Variants in RANBP2 observed in about 807,000 individuals in gnomAD.
The protein encoded by RANBP2 is E3 SUMO-protein ligase RanBP2.
RANBP2 carries 57 observed loss-of-function variants against 303.6 expected under a neutral mutation model. The observed-to-expected ratio is 0.19, with a 90% CI of 0.15 to 0.23. The LOEUF (loss-of-function observed/expected upper bound fraction) is 0.23. Ranked by LOEUF, RANBP2 falls within the 10% of genes least tolerant of loss-of-function variation. RANBP2 has a pLI of 1.00. For synonymous variants in RANBP2, 1,167 were observed against 1,301.5 expected, an observed-to-expected ratio of 0.90 and a Z score of 2.23; for missense variants, 3,138 against 3,780.8, an observed-to-expected ratio of 0.83 and a Z score of 4.46.
the RANBP2 span, among the ~76,000 whole-genome samples, chr2:109,499,765 G>T: frequency 6.6e-6 from 1 of 152,220 alleles, no homozygotes; most frequent in African/African-American, 2.4e-5. Flanking sequence ...AGGGGGGTGT[G>T]TGTGTATGTG....
At chr2:109,691,141 G>A in the RANBP2 span, among the ~76,000 whole-genome samples, 1 of 152,228 alleles carries the variant, frequency 6.6e-6, no homozygotes. Flanking sequence ...ATGATGGGAA[G>A]TGTTTACAAT....
At chr2:109,319,614 C>T in the RANBP2 span, among the ~76,000 whole-genome samples, 1 of 152,258 alleles carries the variant, frequency 6.6e-6, no homozygotes, top group East Asian at 1.9e-4. Flanking sequence ...ACTCCCCCAT[C>T]TTCTCTTATC....
the RANBP2 span, among the ~76,000 whole-genome samples, chr2:109,169,753 TACAC>T: frequency 4.0e-5 from 6 of 149,740 alleles, no homozygotes; most frequent in African/African-American, 7.3e-5. Flanking sequence ...AAAACAACCA[TACAC>T]ACACACACAC....
At chr2:109,093,855 TG>T in the RANBP2 span, among the ~76,000 whole-genome samples, 3 of 152,208 alleles carry the variant, frequency 2.0e-5, no homozygotes, top group Non-Finnish European at 4.4e-5. Context: ...CTGGGACTCC[TG>T]GGGAAAATCA....
At chr2:108,925,905 C>T in the RANBP2 span, among the ~76,000 whole-genome samples, 1 of 152,142 alleles carries the variant, frequency 6.6e-6, no homozygotes, top group African/African-American at 2.4e-5. Flanking sequence ...CGTGAACCAC[C>T]GAGCCTGACC....
the RANBP2 span, chr2:109,564,332 C>G: frequency 6.7e-7 from 1 of 1,484,716 alleles, no homozygotes; most frequent in Admixed American, 2.2e-5. Context: ...CTCTAACTTC[C>G]TCTTTGGTTG....
At chr2:109,215,092 G>T in the RANBP2 span, among the ~76,000 whole-genome samples, 1 of 152,212 alleles carries the variant, frequency 6.6e-6, no homozygotes, top group Non-Finnish European at 1.5e-5. Flanking sequence ...CCTTCAGTGG[G>T]ACGACTAACC....
the RANBP2 span, among the ~76,000 whole-genome samples, chr2:109,294,820 C>G: frequency 2.0e-5 from 3 of 152,152 alleles, no homozygotes; most frequent in Non-Finnish European, 2.9e-5. Flanking sequence ...CAGGCTTAGC[C>G]AAGCCTCTGC....
chr2:109,450,981 T>C, the RANBP2 span, among the ~76,000 whole-genome samples: 1 of 152,198 alleles, frequency 6.6e-6, no homozygotes, highest in Non-Finnish European at 1.5e-5. Flanking sequence ...CAGCGCTGAC[T>C]CGGCGGGCTC....
chr2:109,244,736 C>T, the RANBP2 span, among the ~76,000 whole-genome samples: 4 of 152,172 alleles, frequency 2.6e-5, no homozygotes, highest in African/African-American at 9.7e-5. Flanking sequence ...GAGTCAAAGT[C>T]ACTCAGAACC....
At chr2:109,463,819 C>G in the RANBP2 span, among the ~76,000 whole-genome samples, 1 of 152,168 alleles carries the variant, frequency 6.6e-6, no homozygotes, top group African/African-American at 2.4e-5. Flanking sequence ...GGAATTGTCC[C>G]TCAGTGGAGG....
At chr2:108,936,802 T>C in the RANBP2 span, among the ~76,000 whole-genome samples, 2 of 152,230 alleles carry the variant, frequency 1.3e-5, no homozygotes, top group Admixed American at 1.3e-4. Flanking sequence ...TTTCCACTTC[T>C]GCTTTAGTCG....
chr2:108,941,179 A>G, the RANBP2 span, among the ~76,000 whole-genome samples: 5 of 152,188 alleles, frequency 3.3e-5, no homozygotes, highest in African/African-American at 1.2e-4. Context: ...AGTCCTTTTT[A>G]TTGCCGAATC....
At chr2:108,789,081 T>TA, downstream of RANBP2, 2 of 952,034 alleles carry the variant, frequency 2.1e-6, no homozygotes, top group East Asian at 2.6e-5. Flanking sequence ...TGAGGACAAG[T>TA]ATAAGGCAGT....
the RANBP2 span, chr2:109,129,301 G>A: frequency 1.4e-6 from 1 of 737,466 alleles, no homozygotes; most frequent in Non-Finnish European, 2.2e-6. Flanking sequence ...CGCAGGCGCT[G>A]CGCTCAGGAC....
chr2:109,329,674 G>A, the RANBP2 span, among the ~76,000 whole-genome samples: 118 of 151,678 alleles, frequency 7.8e-4, no homozygotes, highest in African/African-American at 2.8e-3. Context: ...CTGCAAGAGG[G>A]CAGTGCTCAG....
the RANBP2 span, among the ~76,000 whole-genome samples, chr2:109,601,553 T>C: frequency 1.3e-5 from 2 of 152,212 alleles, no homozygotes; most frequent in Admixed American, 1.3e-4. Context: ...AATTCATGTT[T>C]TCCCACTTGC....
the RANBP2 span, among the ~76,000 whole-genome samples, chr2:109,368,587 A>G: frequency 6.6e-6 from 1 of 151,864 alleles, no homozygotes; most frequent in African/African-American, 2.4e-5. Flanking sequence ...TAATTTTTCT[A>G]GGTAGAAAAT....
the RANBP2 span, among the ~76,000 whole-genome samples, chr2:109,514,325 A>G: frequency 5.3e-5 from 8 of 152,198 alleles, no homozygotes; most frequent in Non-Finnish European, 1.2e-4. Flanking sequence ...ACCACGTTAT[A>G]AAACACAGAC....
Sources: gnomAD v4.1 joint callset for allele counts (sites outside exome capture counted in the v4.1 genomes callset) on GRCh38, gnomAD v4.1.1 for gene constraint, MANE v1.5 for transcripts, NCBI Gene and HGNC (gene_info 2026-07-23, HGNC 2026-07-21) for gene names.